ADGRB1: variants seen among roughly 807,000 people sequenced by gnomAD.
ADGRB1 encodes adhesion G protein-coupled receptor B1.
A neutral mutation model predicts 175.7 loss-of-function variants in ADGRB1; 36 were observed. That is an observed-to-expected ratio of 0.20 (90% CI 0.16 to 0.27). The LOEUF is 0.27. ADGRB1 is among the 10% of genes least tolerant of loss of function. The pLI, the probability that ADGRB1 is intolerant of heterozygous loss-of-function variation, is 1.00. For missense variants in ADGRB1, 1,731 were observed against 2,255.3 expected (o/e 0.77, Z 4.71); for synonymous variants, 1,054 against 979.4 (o/e 1.08, Z -1.42).
chr8:142,490,310 C>A (rs908423761), intron 16 of ADGRB1, among the ~76,000 whole-genome samples: 7 of 152,238 alleles, frequency 4.6e-5, no homozygotes, highest in African/African-American at 1.4e-4. Context: ...CTGTCACTGC[C>A]CCATCTTGGC....
intron 18 of ADGRB1, among the ~76,000 whole-genome samples, chr8:142,512,810 G>A (rs1843175416): frequency 6.6e-6 from 1 of 152,234 alleles, no homozygotes; most frequent in Non-Finnish European, 1.5e-5. Flanking sequence ...GCCTGGCTTA[G>A]GGAACTTGTT....
Position 142,504,667 on chromosome 8 carries a change from C to G in ADGRB1, c.2676-6265C>G, listed in dbSNP as rs1325553892. 6.6e-6 allele frequency among the ~76,000 whole-genome samples: 1 copy of G among 152,022 alleles called. No individual in the cohort carries two copies. Among genetic ancestry groups the G allele is most frequent in the East Asian group, 1.9e-4 (1 of 5,164 alleles). ...CAGTCTTGATCTATGGCCAAGAAGT[C>G]AATGGGCAGAGGTGGGAGCCAGGCA... On this transcript the variant is annotated intron_variant, in intron 17 of 30. Transcript: ENST00000517894. The surrounding 1 kb of genome is among the most constrained non-coding windows in gnomAD (Gnocchi z 5.6).
chr8:142,533,393 A>G lies in ADGRB1; in HGVS notation c.3497A>G (p.Gln1166Arg). ...ACCGACCGCCGCTCCGCCCTCTTCCAGATCCTCTTCGCTGTCTTCGACTCG... is the reference window on the plus strand; with the variant it reads ...ACCGACCGCCGCTCCGCCCTCTTCCGGATCCTCTTCGCTGTCTTCGACTCG... The part of the protein sequence containing the change: ...AVTDRRSALF[Q>R]ILFAVFDSLE... The change falls in exon 25 of 31, where the codon CAG (glutamine) becomes CGG (arginine). Residue 1166 changes from glutamine (Q) to arginine (R), a missense_variant. This residue lies in a region of ADGRB1 where 301 missense variants were observed against 488.4 expected (regional missense o/e 0.62). Coordinates refer to ENST00000517894, the MANE Select transcript of ADGRB1 (RefSeq NM_001702.3). The G allele has an allele frequency of 6.2e-7, 1 of 1,612,404 alleles. No homozygotes were observed. Among genetic ancestry groups the G allele is most frequent in the Non-Finnish European group, 8.5e-7 (1 of 1,179,498 alleles).
rs144323056 is a variant in ADGRB1 at position 142,503,331 on chromosome 8, T to A, written c.2676-7601T>A. The stretch of plus-strand genomic sequence containing the variant: ...AATGGGGGGAAGGTTTGGGATCTGC[T>A]AGAGCCAGGGCAGAGCTCGTGGGGG... On this transcript the variant is annotated intron_variant, in intron 17 of 30. Transcript: ENST00000517894. 6.0e-3 allele frequency among the ~76,000 whole-genome samples: 919 copies of A among 152,100 alleles called. 8 individuals carry two copies. The highest frequency in any genetic ancestry group is 0.017 in the Middle Eastern group (5 of 294).
At chr8:142,526,490 T>C in intron 23 of ADGRB1, 52 bp from the exon 24 acceptor site, 1 of 1,281,222 alleles carries the variant, frequency 7.8e-7, no homozygotes, top group Non-Finnish European at 1.1e-6. Context: ...TGTCAGCCCC[T>C]GAGCCTACGG....
At chr8:142,465,984 G>A (rs2131687664) in intron 2 of ADGRB1, among the ~76,000 whole-genome samples, 1 of 152,346 alleles carries the variant, frequency 6.6e-6, no homozygotes, top group Non-Finnish European at 1.5e-5. Context: ...GAGCCCTGTG[G>A]AGGCCCCGTG....
intron 1 of ADGRB1, among the ~76,000 whole-genome samples, chr8:142,456,980 C>T (rs890662719): frequency 1.3e-5 from 2 of 152,226 alleles, no homozygotes; most frequent in African/African-American, 4.8e-5. Context: ...TGGCCTCAGA[C>T]CGGCCCCGGG....
chr8:142,458,673 T>C (rs975130819), intron 1 of ADGRB1, among the ~76,000 whole-genome samples: 2 of 152,090 alleles, frequency 1.3e-5, no homozygotes, highest in Non-Finnish European at 2.9e-5. Flanking sequence ...CCGCCCTCCC[T>C]GAGGCCACCT....
At position 142,491,553 on chromosome 8, in the gene ADGRB1, G is replaced by A. The variant is rs531623854; in HGVS notation, c.2675+738G>A. Among the ~76,000 whole-genome samples the A allele has an allele frequency of 1.1e-4, 17 of 152,362 alleles. No individual in the cohort carries two copies. The South Asian group carries it at 2.9e-3, about 26-fold the overall frequency. On this transcript the variant is annotated intron_variant, in intron 17 of 30. Coordinates refer to ENST00000517894, the MANE Select transcript of ADGRB1 (RefSeq NM_001702.3). ...GCCCAGGGCTGAGCTAGGCCAGGAC[G>A]TGGGGAGATGGATAGAGCGATGGCG...
At chr8:142,480,979 C>T (rs1195905845) in intron 9 of ADGRB1, among the ~76,000 whole-genome samples, 2 of 146,190 alleles carry the variant, frequency 1.4e-5, no homozygotes, top group Admixed American at 6.9e-5. Context: ...CTCTGAAGGC[C>T]CTGCTCGGCC....
chr8:142,464,546 C>CGTG lies in ADGRB1; in HGVS notation c.350_352dup (p.Val117dup). On this transcript the variant is annotated inframe_insertion, in exon 2 of 31. Transcript: ENST00000517894. ...TCGAGTCCACGCGCACCTACCTGGG[C>CGTG]GTGGAGAGCTTCGACGAGGTGCTGC... is the stretch of plus-strand genomic sequence containing the variant. 1.3e-6 allele frequency: 2 copies of CGTG among 1,560,380 alleles called. No homozygotes were observed. The highest frequency in any genetic ancestry group is 1.7e-6 in the Non-Finnish European group (2 of 1,155,820).
At chr8:142,499,118 G>A (rs956681948) in intron 17 of ADGRB1, among the ~76,000 whole-genome samples, 6 of 152,228 alleles carry the variant, frequency 3.9e-5, no homozygotes, top group African/African-American at 1.4e-4. Context: ...GCCCACTCCA[G>A]GCAGGCCCCT....
intron 9 of ADGRB1, 144 bp from the exon 10 acceptor site, chr8:142,481,108 ACT>A (rs953769008): frequency 4.3e-6 from 3 of 692,698 alleles, no homozygotes; most frequent in African/African-American, 3.5e-5. Context: ...CCCTGCGTGG[ACT>A]CTGCTCTCGG....
intron 18 of ADGRB1, among the ~76,000 whole-genome samples, chr8:142,512,527 A>G (rs1297102658): frequency 1.3e-5 from 2 of 152,190 alleles, no homozygotes; most frequent in Non-Finnish European, 1.5e-5. Flanking sequence ...TGTGTGCCCC[A>G]TCTGCCCCTT....
chr8:142,506,125 G>A (rs1349443389), intron 17 of ADGRB1, among the ~76,000 whole-genome samples: 1 of 152,248 alleles, frequency 6.6e-6, no homozygotes, highest in Non-Finnish European at 1.5e-5. Flanking sequence ...CCGAGGTGGA[G>A]TAAACAGAAC....
chr8:142,505,429 G>A (rs1184528380), intron 17 of ADGRB1, among the ~76,000 whole-genome samples: 3 of 152,202 alleles, frequency 2.0e-5, no homozygotes, highest in Non-Finnish European at 4.4e-5. Context: ...ATAGCCAGCT[G>A]GGGAGGCCTT....
intron 18 of ADGRB1, among the ~76,000 whole-genome samples, chr8:142,514,241 G>A (rs1206932778): frequency 2.0e-5 from 3 of 152,114 alleles, no homozygotes; most frequent in Non-Finnish European, 1.5e-5. Context: ...AGGCGGGTAC[G>A]TGGGCACCCC....
In ADGRB1 at chr8:142,464,252, A is replaced by C. The variant is rs1369758203; in HGVS notation, c.54A>C (p.Leu18=). 1 of 1,318,484 alleles carries C rather than the reference A, an allele frequency of 7.6e-7. No homozygotes were observed. The highest frequency in any genetic ancestry group is 1.6e-5 in the African/African-American group (1 of 64,298). The allele number at this position is 1,318,484 out of a possible 1,614,324, so 81.7% of individuals were successfully genotyped here. ...CCGTCTGGATCCTCGCCCCGCTGCT[A>C]CTGCTGCTGCTGCTGCTGGGACGCC... ...PGPVWILAPL[L]LLLLLLGRRA... is the part of the protein sequence containing the mutation. The change falls in exon 2 of 31, where the codon CTA becomes CTC. Residue 18 remains leucine (L), a synonymous_variant. Transcript: ENST00000517894.
chr8:142,539,478 T>C lies in ADGRB1; in HGVS notation c.3706+65T>C, dbSNP rs1474763212. 4 of 1,557,382 alleles carry C rather than the reference T, an allele frequency of 2.6e-6. No homozygotes were observed. The Admixed American group carries it at 7.6e-5, about 30-fold the overall frequency. On this transcript the variant is annotated intron_variant, in intron 27 of 30. Coordinates refer to ENST00000517894, the MANE Select transcript of ADGRB1 (RefSeq NM_001702.3). The stretch of plus-strand genomic sequence containing the variant: ...CCCCTGCATGGCCCCACTCCACGCC[T>C]CCGCCTGTGCCTCCCCCACATCACC...
Sources: allele counts gnomAD v4.1 joint callset (sites outside exome capture counted in the v4.1 genomes callset), GRCh38; gene constraint gnomAD v4.1.1; regional missense constraint gnomAD v4.1.1; non-coding constraint Gnocchi (gnomAD v3.1); transcripts MANE v1.5; gene names NCBI Gene and HGNC (gene_info 2026-07-23, HGNC 2026-07-21).